Variants in SCAI observed in about 807,000 individuals in gnomAD.
The protein encoded by SCAI is suppressor of cancer cell invasion.
Under a neutral mutation model 92.2 loss-of-function variants are expected in SCAI, and 24 were observed. The observed-to-expected ratio is 0.26, with a 90% CI of 0.19 to 0.37. The LOEUF is 0.37. Ranked by LOEUF, SCAI falls within the 10% of genes least tolerant of loss-of-function variation. The probability of loss-of-function intolerance (pLI) is 1.00; values close to 1 mark genes in which losing one functional copy is unlikely to be tolerated. For missense variants in SCAI, 450 were observed against 736.2 expected (o/e 0.61, Z 4.50); for synonymous variants, 261 against 258.6 (o/e 1.01, Z -0.09).
intron 14 of SCAI, among the ~76,000 whole-genome samples, 158 bp from the exon 15 acceptor site, chr9:124,976,344 T>C (rs942750056): frequency 6.6e-6 from 1 of 152,232 alleles, no homozygotes; most frequent in African/African-American, 2.4e-5. Flanking sequence ...GCCATTCATA[T>C]ATAAGTACCA....
chr9:124,971,146 G>A (rs1013858544), intron 17 of SCAI: 8 of 289,750 alleles, frequency 2.8e-5, no homozygotes, highest in Admixed American at 2.5e-4. Context: ...CAAACGATAG[G>A]TACTCAAATG....
intron 9 of SCAI, among the ~76,000 whole-genome samples, chr9:125,011,463 C>T (rs901322513): frequency 2.0e-5 from 3 of 151,880 alleles, no homozygotes; most frequent in South Asian, 2.1e-4. Flanking sequence ...TGAAATGAAG[C>T]GAGAAGGGAA....
At chr9:124,978,612 T>TATG (rs1831810068) in intron 14 of SCAI, among the ~76,000 whole-genome samples, 1 of 152,170 alleles carries the variant, frequency 6.6e-6, no homozygotes, top group African/African-American at 2.4e-5. Context: ...CAAATGCATA[T>TATG]TAACACAGAA....
intron 2 of SCAI, among the ~76,000 whole-genome samples, chr9:125,080,283 G>GA (rs1433483128): frequency 4.6e-5 from 7 of 151,844 alleles, no homozygotes; most frequent in Non-Finnish European, 1.0e-4. Context: ...TACACAGTTA[G>GA]AAAAAAAACC....
At chr9:125,032,359 T>C (rs1833094375) in intron 3 of SCAI, among the ~76,000 whole-genome samples, 1 of 150,596 alleles carries the variant, frequency 6.6e-6, no homozygotes, top group Non-Finnish European at 1.5e-5. Flanking sequence ...GCCTGGCTAA[T>C]TTTTGTATTT....
At chr9:125,087,437 T>G (rs566906978) in intron 2 of SCAI, among the ~76,000 whole-genome samples, 1 of 152,228 alleles carries the variant, frequency 6.6e-6, no homozygotes, top group South Asian at 2.1e-4. Flanking sequence ...TAGTAAGTAG[T>G]AACTAGTCCC....
chr9:124,981,603 G>A (rs756183419), intron 14 of SCAI, among the ~76,000 whole-genome samples: 1 of 152,016 alleles, frequency 6.6e-6, no homozygotes, highest in Non-Finnish European at 1.5e-5. Context: ...TGACTGTTAC[G>A]AAAGCATGTG....
At chr9:125,019,427 T>G (rs1832825690) in intron 7 of SCAI, among the ~76,000 whole-genome samples, 1 of 152,150 alleles carries the variant, frequency 6.6e-6, no homozygotes, top group South Asian at 2.1e-4. Flanking sequence ...TACAGAGATC[T>G]ACTTCCTATC....
intron 9 of SCAI, among the ~76,000 whole-genome samples, chr9:125,017,197 A>G (rs1832778244): frequency 6.6e-6 from 1 of 152,154 alleles, no homozygotes; most frequent in South Asian, 2.1e-4. Context: ...ATCAATTTCT[A>G]TTTCTACATA....
intron 14 of SCAI, among the ~76,000 whole-genome samples, chr9:124,984,883 A>G (rs987073922): frequency 6.6e-6 from 1 of 152,228 alleles, no homozygotes; most frequent in African/African-American, 2.4e-5. Flanking sequence ...ACTGAACTCA[A>G]GGGCACTTCA....
intron 2 of SCAI, among the ~76,000 whole-genome samples, chr9:125,123,025 G>A (rs1048172991): frequency 2.0e-5 from 3 of 152,174 alleles, no homozygotes; most frequent in Non-Finnish European, 4.4e-5. Flanking sequence ...TCACCAGCCA[G>A]GTGTTACCTC....
At chr9:125,019,027 G>C in intron 8 of SCAI, 76 bp from the exon 9 acceptor site, 1 of 1,539,020 alleles carries the variant, frequency 6.5e-7, no homozygotes, top group Non-Finnish European at 8.9e-7. Flanking sequence ...CCTTCTTCTT[G>C]ACATATACAC....
intron 17 of SCAI, among the ~76,000 whole-genome samples, chr9:124,957,751 G>A (rs1044906745): frequency 3.8e-4 from 57 of 149,878 alleles, no homozygotes; most frequent in Non-Finnish European, 2.8e-4. Context: ...GCACGACCTC[G>A]GCTCACCACA....
chr9:124,994,315 G>A (rs148699670), intron 14 of SCAI, among the ~76,000 whole-genome samples: 30 of 152,274 alleles, frequency 2.0e-4, no homozygotes, highest in African/African-American at 7.0e-4. Flanking sequence ...GATTACAGGC[G>A]TGAGCCACTG....
chr9:125,143,476 G>C lies in SCAI; in HGVS notation c.-39C>G. The C allele has an allele frequency of 7.5e-7, 1 of 1,327,754 alleles. No homozygotes were observed. The highest frequency in any genetic ancestry group is 1.9e-5 in the South Asian group (1 of 53,440). 82.2% of individuals were successfully genotyped at this position (1,327,754 alleles called of 1,614,324 possible). A position where few individuals can be genotyped will look rare whatever the true frequency, so the allele number is the denominator to read the frequency against. On this transcript the variant is annotated 5_prime_UTR_variant, in exon 1 of 18. Transcript: ENST00000336505. ...CGCCGCGGGAGCTGCTCCGGCGGCC[G>C]CAGGGCTCGCTCGGGAAGCTGAGGC...
intron 2 of SCAI, among the ~76,000 whole-genome samples, chr9:125,113,443 C>A (rs1834968875): frequency 6.6e-6 from 1 of 151,854 alleles, no homozygotes; most frequent in Non-Finnish European, 1.5e-5. Flanking sequence ...GCAAGAGGAC[C>A]CTGAGGAAAT....
At chr9:124,979,879 C>G (rs1831845349) in intron 14 of SCAI, among the ~76,000 whole-genome samples, 1 of 151,912 alleles carries the variant, frequency 6.6e-6, no homozygotes, top group South Asian at 2.1e-4. Context: ...GAAACCCCAT[C>G]TCTACTAAAA....
chr9:125,027,530 A>G (rs1832986913), intron 5 of SCAI, among the ~76,000 whole-genome samples: 1 of 151,680 alleles, frequency 6.6e-6, no homozygotes. Flanking sequence ...CTAATTTTTT[A>G]TTTTTTGAGA....
rs77282324 is a variant in SCAI at position 124,981,362 on chromosome 9, G to A, written c.1327-5176C>T. On this transcript the variant is annotated intron_variant, in intron 14 of 17. Transcript: ENST00000336505. ...GTTTTGTGTCCTCTTCTACTAATCC[G>A]AACAACTCTTGTTATTGTTTTATTT... Among the ~76,000 whole-genome samples, 1,125 of 152,132 alleles carry A rather than the reference G, an allele frequency of 7.4e-3. 2 individuals are homozygous for A. Among genetic ancestry groups the A allele is most frequent in the Non-Finnish European group, 0.011 (768 of 67,996 alleles).
Sources: allele counts gnomAD v4.1 joint callset (sites outside exome capture counted in the v4.1 genomes callset), GRCh38; gene constraint gnomAD v4.1.1; transcripts MANE v1.5; gene names NCBI Gene and HGNC (gene_info 2026-07-23, HGNC 2026-07-21).